Variants in MCPH1 observed in about 807,000 individuals in gnomAD.
MCPH1 encodes the protein microcephalin.
In MCPH1, 104 loss-of-function variants were observed where a neutral mutation model predicts 84.5. That is an observed-to-expected ratio of 1.23 (90% confidence interval 1.05 to 1.45). The LOEUF is 1.45. Among genes scored for constraint, MCPH1 ranks in the 40% most tolerant of loss-of-function variants. The probability of loss-of-function intolerance (pLI) is 0.00; values close to 1 mark genes in which losing one functional copy is unlikely to be tolerated. For missense variants in MCPH1, 1,498 were observed against 1,005.7 expected (o/e 1.49, Z -6.62); for synonymous variants, 514 against 366.8 (o/e 1.40, Z -4.58).
At chr8:6,442,233 T>G (rs1803626516) in intron 7 of MCPH1, 77 bp downstream of exon 7, 2 of 901,068 alleles carry the variant, frequency 2.2e-6, no homozygotes, top group Non-Finnish European at 3.6e-6. Context: ...GAATTTCATG[T>G]AGCAACTTCT....
At chr8:6,572,798 C>T (rs1050385960) in intron 12 of MCPH1, among the ~76,000 whole-genome samples, 1 of 152,222 alleles carries the variant, frequency 6.6e-6, no homozygotes, top group Admixed American at 6.5e-5. Flanking sequence ...GATGTCCCAT[C>T]TGGATGCACA....
At chr8:6,485,337 G>C (rs1809756842) in intron 11 of MCPH1, among the ~76,000 whole-genome samples, 1 of 151,534 alleles carries the variant, frequency 6.6e-6, no homozygotes. Flanking sequence ...AAAAAAAAAA[G>C]TATATCTTAC....
At chr8:6,493,399 C>T (rs751935842) in intron 11 of MCPH1, among the ~76,000 whole-genome samples, 1 of 152,192 alleles carries the variant, frequency 6.6e-6, no homozygotes, top group African/African-American at 2.4e-5. Context: ...GGTCAACATG[C>T]AGCTTGTTTT....
At chr8:6,451,185 T>C (rs953508512) in intron 8 of MCPH1, among the ~76,000 whole-genome samples, 5 of 152,328 alleles carry the variant, frequency 3.3e-5, no homozygotes, top group African/African-American at 1.2e-4. Flanking sequence ...CCAGCCTAAC[T>C]CACTGGGGCT....
At chr8:6,424,748 T>C (rs1800806422) in intron 3 of MCPH1, among the ~76,000 whole-genome samples, 1 of 152,244 alleles carries the variant, frequency 6.6e-6, no homozygotes, top group Non-Finnish European at 1.5e-5. Flanking sequence ...CTGAGTTAAC[T>C]TCCTACGGTT....
intron 9 of MCPH1, among the ~76,000 whole-genome samples, chr8:6,467,429 T>G (rs17077031): frequency 6.6e-6 from 1 of 152,180 alleles, no homozygotes; most frequent in African/African-American, 2.4e-5. Flanking sequence ...AAAGCAGTAC[T>G]AAAATCTTAT....
intron 9 of MCPH1, among the ~76,000 whole-genome samples, chr8:6,459,356 A>G (rs1806028457): frequency 6.6e-6 from 1 of 152,024 alleles, no homozygotes; most frequent in Admixed American, 6.6e-5. Flanking sequence ...GCTCACTGCA[A>G]CCTCTGCCTC....
chr8:6,647,713 A>G lies in MCPH1; in HGVS notation c.*4664A>G, dbSNP rs995848548. 1.3e-5 allele frequency: 2 copies of G among 152,128 alleles called. No homozygotes were observed. The highest frequency in any genetic ancestry group is 2.9e-5 in the Non-Finnish European group (2 of 68,016). 9.4% of individuals were successfully genotyped at this position (152,128 alleles called of 1,614,324 possible). On this transcript the variant is annotated 3_prime_UTR_variant, in exon 14 of 14. Transcript: ENST00000344683. ...AGATACCATTTCTACAAACCGCAAA[A>G]CTGTAGAGGCACGAAACAGATTCAT...
chr8:6,426,043 G>C (rs1801009354), intron 3 of MCPH1, among the ~76,000 whole-genome samples: 1 of 152,112 alleles, frequency 6.6e-6, no homozygotes. Context: ...TGGTAATTAA[G>C]GGGACTTTTT....
chr8:6,542,324 G>A (rs1563096162), intron 12 of MCPH1, among the ~76,000 whole-genome samples: 1 of 152,064 alleles, frequency 6.6e-6, no homozygotes, highest in Non-Finnish European at 1.5e-5. Flanking sequence ...CTGTGTGTGT[G>A]TGTATGTATG....
intron 9 of MCPH1, among the ~76,000 whole-genome samples, chr8:6,460,492 A>T (rs73661746): frequency 1.3e-5 from 2 of 152,098 alleles, no homozygotes; most frequent in Admixed American, 6.5e-5. Flanking sequence ...CTGGGATTAC[A>T]GGCGGGAGCC....
rs139092281 is a variant in MCPH1 at position 6,643,596 on chromosome 8, T to C, written c.*547T>C. ...CAGAACCTTTGTCATTAGAGCACAG[T>C]ACTGCCAAATAAAGAATGGAAATTC... On this transcript the variant is annotated 3_prime_UTR_variant, in exon 14 of 14. Coordinates refer to ENST00000344683, the MANE Select transcript of MCPH1 (RefSeq NM_024596.5). The C allele has an allele frequency of 1.9e-4, 30 of 159,978 alleles. No homozygotes were observed. Among genetic ancestry groups the C allele is most frequent in the Non-Finnish European group, 4.0e-4 (29 of 72,214 alleles). The allele number at this position is 159,978 out of a possible 1,614,324, so 9.9% of individuals were successfully genotyped here.
intron 12 of MCPH1, among the ~76,000 whole-genome samples, chr8:6,503,465 A>G (rs1341576654): frequency 6.6e-6 from 1 of 152,210 alleles, no homozygotes; most frequent in Non-Finnish European, 1.5e-5. Context: ...ATTACGGCAA[A>G]TGCTTTTACA....
intron 13 of MCPH1, chr8:6,626,523 G>C (rs1163997116): frequency 5.2e-6 from 5 of 968,760 alleles, no homozygotes; most frequent in African/African-American, 1.9e-5. Flanking sequence ...GTGGGTGGTT[G>C]AACATGGATA....
intron 5 of MCPH1, among the ~76,000 whole-genome samples, chr8:6,436,868 G>C (rs1053465651): frequency 6.6e-6 from 1 of 152,006 alleles, no homozygotes; most frequent in African/African-American, 2.4e-5. Context: ...TACTTGGGAG[G>C]CTGAGGCAGG....
At chr8:6,630,781 T>TA (rs1235237864) in intron 13 of MCPH1, among the ~76,000 whole-genome samples, 628 of 58,100 alleles carry the variant, frequency 0.011, 4 homozygotes, top group African/African-American at 0.025. Flanking sequence ...AACTCTGTCC[T>TA]AAAAAAAAAA....
At chr8:6,613,515 C>T (rs1244147526) in intron 12 of MCPH1, among the ~76,000 whole-genome samples, 1 of 151,912 alleles carries the variant, frequency 6.6e-6, no homozygotes, top group Non-Finnish European at 1.5e-5. Flanking sequence ...GAGTCAGTCG[C>T]ATCCGCTGGG....
chr8:6,432,465 T>C (rs1801991494), intron 4 of MCPH1, among the ~76,000 whole-genome samples: 2 of 152,254 alleles, frequency 1.3e-5, no homozygotes, highest in South Asian at 4.1e-4. Flanking sequence ...GTTAAAGACA[T>C]TGCTTTCATT....
chr8:6,527,777 A>T (rs929713491), intron 12 of MCPH1: 150 of 1,129,124 alleles, frequency 1.3e-4, no homozygotes, highest in Non-Finnish European at 1.8e-4. Flanking sequence ...AAAACATAAC[A>T]AAAACATTAT....
Sources: allele counts gnomAD v4.1 joint callset (sites outside exome capture counted in the v4.1 genomes callset), GRCh38; gene constraint gnomAD v4.1.1; transcripts MANE v1.5; gene names NCBI Gene and HGNC (gene_info 2026-07-23, HGNC 2026-07-21).